Variants in ZNRF3 observed in about 807,000 individuals in gnomAD.
ZNRF3 encodes the protein E3 ubiquitin-protein ligase ZNRF3.
In ZNRF3, 23 loss-of-function variants were observed where a neutral mutation model predicts 72.5. That is an observed-to-expected ratio of 0.32 (90% CI 0.23 to 0.45). ZNRF3 has a LOEUF of 0.45. Among genes scored for constraint, ZNRF3 ranks in the 20% least tolerant of loss-of-function variants. The pLI, the probability that ZNRF3 is intolerant of heterozygous loss-of-function variation, is 1.00. For missense variants in ZNRF3, 1,169 were observed against 1,272.1 expected (o/e 0.92, Z 1.23); for synonymous variants, 610 against 545.3 (o/e 1.12, Z -1.65).
At chr22:29,051,032 A>G in intron 8 of ZNRF3, 84 bp downstream of exon 8, 1 of 1,414,794 alleles carries the variant, frequency 7.1e-7, no homozygotes, top group Non-Finnish European at 9.4e-7. Flanking sequence ...TTTCTGAATG[A>G]CTTCTTTTGT....
At chr22:28,994,172 C>CTTTTTTTTTTTTTTTTTTTTTTT (rs1569274128) in intron 2 of ZNRF3, among the ~76,000 whole-genome samples, 1 of 78,766 alleles carries the variant, frequency 1.3e-5, no homozygotes, top group Non-Finnish European at 2.4e-5. Flanking sequence ...CCTTCAGTTC[C>CTTTTTTTTTTTTTTTTTTTTTTT]TTTCTTTTTT....
At chr22:29,045,152 C>T (rs1354563324) in intron 5 of ZNRF3, among the ~76,000 whole-genome samples, 2 of 151,926 alleles carry the variant, frequency 1.3e-5, no homozygotes, top group South Asian at 2.1e-4. Flanking sequence ...CTTGAGCTCA[C>T]GAGTTCAAGA....
chr22:28,971,200 T>G (rs1194092237), intron 1 of ZNRF3, among the ~76,000 whole-genome samples: 1 of 150,292 alleles, frequency 6.7e-6, no homozygotes, highest in Non-Finnish European at 1.5e-5. Context: ...AAAAAAATGT[T>G]TTTTTTTTTA....
chr22:28,916,331 A>G (rs774292380), intron 1 of ZNRF3, among the ~76,000 whole-genome samples: 1 of 152,112 alleles, frequency 6.6e-6, no homozygotes, highest in Non-Finnish European at 1.5e-5. Context: ...AAGTGCTGGG[A>G]TTATAGGCAT....
intron 1 of ZNRF3, among the ~76,000 whole-genome samples, chr22:28,963,937 A>T (rs2035411472): frequency 6.6e-6 from 1 of 152,142 alleles, no homozygotes; most frequent in African/African-American, 2.4e-5. Context: ...CCAGAGACGG[A>T]TGGTTAAAAA....
intron 1 of ZNRF3, among the ~76,000 whole-genome samples, chr22:28,888,931 T>G (rs1008888873): frequency 6.6e-6 from 1 of 152,010 alleles, no homozygotes; most frequent in African/African-American, 2.4e-5. Context: ...GCCTGGCCAA[T>G]ATGGTGAAAC....
chr22:28,994,753 C>T (rs1435201000), intron 2 of ZNRF3, among the ~76,000 whole-genome samples: 6 of 151,992 alleles, frequency 3.9e-5, no homozygotes, highest in Admixed American at 3.9e-4. Context: ...TATTTTACCA[C>T]AGTTAAAAAA....
chr22:28,987,805 G>C (rs959207485), intron 2 of ZNRF3, among the ~76,000 whole-genome samples: 1 of 152,134 alleles, frequency 6.6e-6, no homozygotes, highest in Admixed American at 6.5e-5. Flanking sequence ...AAAATGTTTC[G>C]GTTTTAGAGC....
At chr22:29,009,540 C>G (rs1244692530) in intron 2 of ZNRF3, among the ~76,000 whole-genome samples, 1 of 152,166 alleles carries the variant, frequency 6.6e-6, no homozygotes. Context: ...CCATTCTGGT[C>G]ATTTCCATGA....
At position 28,893,369 on chromosome 22, in the gene ZNRF3, A is replaced by C. The variant is rs2033927790; in HGVS notation, c.300+9303A>C. Among the ~76,000 whole-genome samples the C allele has an allele frequency of 3.3e-5, 5 of 152,136 alleles. No individual in the cohort carries two copies. The South Asian group carries it at 1.0e-3, about 32-fold the overall frequency. On this transcript the variant is annotated intron_variant, in intron 1 of 8. Coordinates refer to ENST00000544604, the MANE Select transcript of ZNRF3 (RefSeq NM_001206998.2). ...TAGAGAAGAAACATCGGTTTTATGC[A>C]CCCGTGGTATAATTTGTGCTTTTCA... is the stretch of plus-strand genomic sequence containing the variant.
rs1382198495 is a variant in ZNRF3, at chr22:29,046,809, G to A, written c.838G>A (p.Gly280Arg). 6.2e-7 allele frequency: 1 copy of A among 1,612,016 alleles called. No individual in the cohort carries two copies. Among genetic ancestry groups the A allele is most frequent in the Non-Finnish European group, 8.5e-7 (1 of 1,178,976 alleles). The change falls in exon 6 of 9, where the codon GGG becomes AGG. Residue 280 changes from glycine to arginine, a missense_variant. By Grantham distance (125) the Gly-to-Arg change is moderately radical. Around this residue, in one of 2 missense-constraint regions of ZNRF3, gnomAD observed 386 missense variants for 540.7 expected, o/e 0.71. Transcript: ENST00000544604. ...CAAGGGGCGCCGGGAGGGGAGCTGT[G>A]GGGCCCTGGACACACTCAGCAGCAG... is the stretch of plus-strand genomic sequence containing the variant. The part of the protein sequence containing the change: ...KSKGRREGSC[G>R]ALDTLSSSST...
In ZNRF3 at chr22:29,053,804, A is replaced by AT; in HGVS notation, c.*184dup. 2 of 539,110 alleles carry AT rather than the reference A, an allele frequency of 3.7e-6. No individual in the cohort carries two copies. Among genetic ancestry groups the AT allele is most frequent in the Non-Finnish European group, 6.5e-6 (2 of 307,062 alleles). 33.4% of individuals were successfully genotyped at this position (539,110 alleles called of 1,614,324 possible). The stretch of plus-strand genomic sequence containing the variant: ...CTGTGGCAAAACCACCCCCTACCCC[A>AT]TTAACAAATCAACAGACAAAATTCT... On this transcript the variant is annotated 3_prime_UTR_variant, in exon 9 of 9. Transcript: ENST00000544604.
intron 1 of ZNRF3, among the ~76,000 whole-genome samples, chr22:28,952,233 C>A (rs1013744196): frequency 6.6e-6 from 1 of 152,194 alleles, no homozygotes; most frequent in African/African-American, 2.4e-5. Flanking sequence ...TGTTGTTGTA[C>A]TTGCATTGGA....
chr22:28,970,398 C>G (rs1219956537), intron 1 of ZNRF3, among the ~76,000 whole-genome samples: 3 of 152,176 alleles, frequency 2.0e-5, no homozygotes, highest in African/African-American at 7.2e-5. Flanking sequence ...ACAATGGGAA[C>G]CCATACATTG....
intron 2 of ZNRF3, among the ~76,000 whole-genome samples, chr22:28,997,234 A>G (rs2036059568): frequency 6.6e-6 from 1 of 152,084 alleles, no homozygotes; most frequent in Non-Finnish European, 1.5e-5. Flanking sequence ...CATACTGACT[A>G]TTGCTTATTG....
At chr22:28,989,790 C>T (rs2035923154) in intron 2 of ZNRF3, among the ~76,000 whole-genome samples, 2 of 152,190 alleles carry the variant, frequency 1.3e-5, no homozygotes, top group Non-Finnish European at 2.9e-5. Context: ...CACCCACCCT[C>T]TTCACCTACC....
At chr22:28,945,414 G>A (rs183380380) in intron 1 of ZNRF3, among the ~76,000 whole-genome samples, 9 of 152,138 alleles carry the variant, frequency 5.9e-5, no homozygotes, top group Admixed American at 1.3e-4. Flanking sequence ...AAGAAGGACC[G>A]GGCACGGTGG....
At chr22:28,982,689 A>G (rs762325394) in intron 1 of ZNRF3, among the ~76,000 whole-genome samples, 1 of 152,148 alleles carries the variant, frequency 6.6e-6, no homozygotes, top group Non-Finnish European at 1.5e-5. Context: ...GCCTTTGCCT[A>G]GAATACTCCA....
chr22:28,994,176 CTTTTTTTTTTTT>C (rs57329565), intron 2 of ZNRF3, among the ~76,000 whole-genome samples: 17 of 39,808 alleles, frequency 4.3e-4, no homozygotes, highest in African/African-American at 1.1e-3. Flanking sequence ...CAGTTCCTTT[CTTTTTTTTTTTT>C]TTTTTTTTTT....
Sources: gnomAD v4.1 joint callset for allele counts (sites outside exome capture counted in the v4.1 genomes callset) on GRCh38, gnomAD v4.1.1 for gene constraint, gnomAD v4.1.1 regional missense constraint, MANE v1.5 for transcripts, NCBI Gene and HGNC (gene_info 2026-07-23, HGNC 2026-07-21) for gene names.